Variants in TMED6 observed in about 807,000 individuals in gnomAD.
TMED6 encodes transmembrane emp24 domain-containing protein 6.
TMED6 carries 17 observed loss-of-function variants against 26.5 expected under a neutral mutation model. That is an observed-to-expected ratio of 0.64 (90% CI 0.44 to 0.96). The LOEUF (loss-of-function observed/expected upper bound fraction) is 0.96. Ranked by LOEUF, TMED6 falls within the 40% of genes least tolerant of loss-of-function variation. The pLI, the probability that TMED6 is intolerant of heterozygous loss-of-function variation, is 0.00. For synonymous variants in TMED6, 107 were observed against 106.2 expected, an observed-to-expected ratio of 1.01 and a Z score of -0.04; for missense variants, 309 against 296.5, an observed-to-expected ratio of 1.04 and a Z score of -0.31.
At chr16:69,344,137 T>G (rs1007591556) in intron 3 of TMED6, among the ~76,000 whole-genome samples, 7 of 152,152 alleles carry the variant, frequency 4.6e-5, no homozygotes, top group Admixed American at 1.3e-4. Context: ...CGGCCTTTTG[T>G]TTTGTTTTTA....
rs1307384659 is a variant in TMED6 at position 69,343,549 on chromosome 16, A to G, written c.581T>C (p.Ile194Thr). 1.9e-6 allele frequency: 3 copies of G among 1,614,070 alleles called. No homozygotes were observed. Among genetic ancestry groups the G allele is most frequent in the Non-Finnish European group, 2.5e-6 (3 of 1,180,044 alleles). ...RMRKMADFFLIQSNYNYVNWW... is the reference protein window; with the variant it reads ...RMRKMADFFLTQSNYNYVNWW... ...GTTCACGTAGTTATAGTTTGATTGGATAAGGAAAAAGTCAGCCATTTTCCT... is the reference window on the plus strand; with the variant it reads ...GTTCACGTAGTTATAGTTTGATTGGGTAAGGAAAAAGTCAGCCATTTTCCT... The change falls in exon 4 of 4, where the codon ATC (isoleucine) becomes ACC (threonine). Residue 194 changes from isoleucine (I) to threonine (T), a missense_variant. Coordinates refer to ENST00000288025, the MANE Select transcript of TMED6 (RefSeq NM_144676.4).
intron 2 of TMED6, among the ~76,000 whole-genome samples, chr16:69,348,560 T>C (rs199645033): frequency 1.3e-5 from 2 of 150,764 alleles, no homozygotes; most frequent in South Asian, 2.1e-4. Context: ...GGTGTGGCAG[T>C]GTTTGAAAGT....
intron 3 of TMED6, among the ~76,000 whole-genome samples, chr16:69,344,937 A>G (rs2012659478): frequency 6.6e-6 from 1 of 151,094 alleles, no homozygotes; most frequent in East Asian, 1.9e-4. Flanking sequence ...AAAAATACAA[A>G]AATTAGCCAG....
intron 1 of TMED6, 22 bp downstream of exon 1, chr16:69,351,519 G>C (rs760085402): frequency 1.2e-6 from 2 of 1,609,844 alleles, no homozygotes; most frequent in East Asian, 4.5e-5. Context: ...AAGCCCCCCA[G>C]TATGGCCAGT....
chr16:69,349,952 A>G (rs1243520698), intron 1 of TMED6, among the ~76,000 whole-genome samples: 1 of 152,162 alleles, frequency 6.6e-6, no homozygotes, highest in Non-Finnish European at 1.5e-5. Flanking sequence ...TGCTCGGAAC[A>G]CACAGCTAGT....
At position 69,347,796 on chromosome 16, in the gene TMED6, C is replaced by T. The variant is rs764886345; in HGVS notation, c.481G>A (p.Ala161Thr). 1.1e-5 allele frequency: 17 copies of T among 1,614,104 alleles called. No individual in the cohort carries two copies. The highest frequency in any genetic ancestry group is 1.4e-5 in the Non-Finnish European group (16 of 1,180,004). The change falls in exon 3 of 4, where the codon GCA (alanine) becomes ACA (threonine). Residue 161 changes from alanine to threonine, a missense_variant. Coordinates refer to ENST00000288025, the MANE Select transcript of TMED6 (RefSeq NM_144676.4). The stretch of plus-strand genomic sequence containing the variant: ...ACAAAACACTTCCTTACCTCAATTG[C>T]ATCCAGAGTATCATTCAGTTGTTTT... ...ERKQLNDTLD[A>T]IEDGTQKVQN...
chr16:69,346,313 C>T (rs1195261320), intron 3 of TMED6, among the ~76,000 whole-genome samples: 2 of 152,104 alleles, frequency 1.3e-5, no homozygotes, highest in African/African-American at 4.8e-5. Flanking sequence ...TTATGATAGC[C>T]AAGAGGTGGA....
chr16:69,349,711 A>G, intron 1 of TMED6, 60 bp from the exon 2 acceptor site: 1 of 1,584,412 alleles, frequency 6.3e-7, no homozygotes, highest in South Asian at 1.1e-5. Context: ...AAGCCAGCTG[A>G]GTGGTAAGAT....
At chr16:69,344,544 G>A (rs959529420) in intron 3 of TMED6, among the ~76,000 whole-genome samples, 6 of 151,858 alleles carry the variant, frequency 4.0e-5, no homozygotes, top group East Asian at 3.9e-4. Context: ...AGGCCGAGAC[G>A]GGCGGATTAC....
In TMED6 at chr16:69,343,757, G is replaced by C. The variant is rs16958773; in HGVS notation, c.490-117C>G. The C allele has an allele frequency of 4.4e-3, 3,379 of 767,842 alleles. 69 individuals carry two copies. In the African/African-American group the frequency reaches 0.049, roughly 11 times the overall value. The allele number at this position is 767,842 out of a possible 1,614,324, so 47.6% of individuals were successfully genotyped here. On this transcript the variant is annotated intron_variant, in intron 3 of 3. Transcript: ENST00000288025. ...TAATTTACCCATATGATTTTAAGAT[G>C]TACAATACAATGATAGTTGTTAAAT...
At chr16:69,344,228 C>A (rs749332056) in intron 3 of TMED6, among the ~76,000 whole-genome samples, 4 of 152,168 alleles carry the variant, frequency 2.6e-5, no homozygotes, top group Non-Finnish European at 5.9e-5. Context: ...CATGTCGTTA[C>A]CATTCCAGGT....
rs747875554 is a variant in TMED6 at position 69,347,768 on chromosome 16, TC to T, written c.489+19del. 1.2e-4 allele frequency: 189 copies of T among 1,612,720 alleles called. 2 individuals carry two copies. The Admixed American group carries it at 3.1e-3, about 26-fold the overall frequency. On this transcript the variant is annotated intron_variant, in intron 3 of 3. Transcript: ENST00000288025. ...AATCAGTTTCCACAGATGTTTCTCTTCCACAAAACACTTCCTTACCTCAATT... is the reference window on the plus strand; with the variant it reads ...AATCAGTTTCCACAGATGTTTCTCTTCACAAAACACTTCCTTACCTCAATT...
chr16:69,351,463 T>A, intron 1 of TMED6, 78 bp downstream of exon 1: 2 of 1,383,248 alleles, frequency 1.4e-6, no homozygotes, highest in Non-Finnish European at 2.0e-6. Flanking sequence ...CAGACCTTGT[T>A]TTGGCCTAAA....
At position 69,349,666 on chromosome 16, in the gene TMED6, T is replaced by A. The variant is rs2012745597; in HGVS notation, c.214-15A>T. ...GTCCGCTGAACCTGCCAAGACACATTAAATAGGTAGCAGAACCCCTGCTAC... is the reference window on the plus strand; with the variant it reads ...GTCCGCTGAACCTGCCAAGACACATAAAATAGGTAGCAGAACCCCTGCTAC... On this transcript the variant is annotated splice_polypyrimidine_tract_variant and intron_variant, in intron 1 of 3. Coordinates refer to ENST00000288025, the MANE Select transcript of TMED6 (RefSeq NM_144676.4). 1 of 1,609,982 alleles carries A rather than the reference T, an allele frequency of 6.2e-7. No individual in the cohort carries two copies. The highest frequency in any genetic ancestry group is 8.5e-7 in the Non-Finnish European group (1 of 1,177,412).
At chr16:69,350,218 C>T (rs1429124957) in intron 1 of TMED6, among the ~76,000 whole-genome samples, 1 of 148,648 alleles carries the variant, frequency 6.7e-6, no homozygotes, top group African/African-American at 2.5e-5. Flanking sequence ...ATTGCAGTGA[C>T]TCGAGATCAT....
Position 69,349,668 on chromosome 16 carries a change from A to C in TMED6, c.214-17T>G, listed in dbSNP as rs143554636. Reference sequence around the variant, plus strand: ...CCGCTGAACCTGCCAAGACACATTAAATAGGTAGCAGAACCCCTGCTACAT... The same window carrying C: ...CCGCTGAACCTGCCAAGACACATTACATAGGTAGCAGAACCCCTGCTACAT... On this transcript the variant is annotated splice_polypyrimidine_tract_variant and intron_variant, in intron 1 of 3. Transcript: ENST00000288025. The C allele has an allele frequency of 1.2e-3, 1,922 of 1,609,946 alleles. 13 individuals carry two copies. In the African/African-American group the frequency reaches 0.02, roughly 17 times the overall value.
At chr16:69,345,797 T>C (rs1183803977) in intron 3 of TMED6, among the ~76,000 whole-genome samples, 1 of 147,786 alleles carries the variant, frequency 6.8e-6, no homozygotes, top group Non-Finnish European at 1.5e-5. Flanking sequence ...TACCTAAGCC[T>C]CCCGAGTGGC....
intron 2 of TMED6, 129 bp from the exon 3 acceptor site, chr16:69,348,065 G>T: frequency 1.0e-6 from 1 of 999,990 alleles, no homozygotes; most frequent in Non-Finnish European, 1.5e-6. Flanking sequence ...AAAGTACAAA[G>T]ATCCCGTTTT....
intron 3 of TMED6, among the ~76,000 whole-genome samples, chr16:69,344,541 G>A (rs1048542695): frequency 3.3e-5 from 5 of 152,108 alleles, no homozygotes; most frequent in African/African-American, 1.2e-4. Context: ...GGGAGGCCGA[G>A]ACGGGCGGAT....
Sources: gnomAD v4.1 joint callset for allele counts (sites outside exome capture counted in the v4.1 genomes callset) on GRCh38, gnomAD v4.1.1 for gene constraint, MANE v1.5 for transcripts, NCBI Gene and HGNC (gene_info 2026-07-23, HGNC 2026-07-21) for gene names.